PCDHA5: variants seen among roughly 807,000 people sequenced by gnomAD.
PCDHA5 encodes the protein protocadherin alpha-5.
PCDHA5 carries 43 observed loss-of-function variants against 61.6 expected under a neutral mutation model. The observed-to-expected ratio is 0.70, with a 90% CI of 0.55 to 0.90. The LOEUF is 0.90. Among genes scored for constraint, PCDHA5 ranks in the 40% least tolerant of loss-of-function variants. The pLI is 0.00. For synonymous variants in PCDHA5, 627 were observed against 543.9 expected (o/e 1.15, Z -2.13); for missense variants, 1,298 against 1,222.7 (o/e 1.06, Z -0.92).
intron 1 of PCDHA5, among the ~76,000 whole-genome samples, chr5:140,945,058 C>A (rs939271004): frequency 1.3e-5 from 2 of 151,996 alleles, no homozygotes; most frequent in Non-Finnish European, 2.9e-5. Flanking sequence ...AAAGAAAACC[C>A]TACAGACTCC....
At chr5:140,861,422 T>G in intron 1 of PCDHA5, 1 of 482,430 alleles carries the variant, frequency 2.1e-6, no homozygotes, top group Admixed American at 2.1e-5. Flanking sequence ...CGCGCCTGTT[T>G]CAGTTGGATT....
At chr5:140,963,705 C>T (rs1351751729) in intron 1 of PCDHA5, among the ~76,000 whole-genome samples, 1 of 152,130 alleles carries the variant, frequency 6.6e-6, no homozygotes, top group Non-Finnish European at 1.5e-5. Flanking sequence ...ATCTAAAGGG[C>T]CATGCTACAT....
chr5:140,832,466 T>TA (rs1319318585), intron 1 of PCDHA5, among the ~76,000 whole-genome samples: 6 of 152,186 alleles, frequency 3.9e-5, no homozygotes, highest in South Asian at 2.1e-4. Context: ...CACTAAAATT[T>TA]AAAAAAACTA....
At chr5:140,985,128 G>A (rs908196925) in intron 3 of PCDHA5, among the ~76,000 whole-genome samples, 3 of 152,056 alleles carry the variant, frequency 2.0e-5, no homozygotes, top group Admixed American at 6.6e-5. Flanking sequence ...TAGTAAAGAC[G>A]GGGTTTCACC....
rs1160932490 is a variant in PCDHA5 at position 140,857,948 on chromosome 5, C to A, written c.2352+33821C>A. 4.4e-6 allele frequency: 7 copies of A among 1,597,438 alleles called. 1 individual carries two copies. Among genetic ancestry groups the A allele is most frequent in the Non-Finnish European group, 6.0e-6 (7 of 1,167,420 alleles). On this transcript the variant is annotated intron_variant, in intron 1 of 3. Transcript: ENST00000529859. ...GTACACGGGCGAGATCAGTACGACG[C>A]GCGCTCTGGATGAGACTGACTCGCC...
intron 1 of PCDHA5, among the ~76,000 whole-genome samples, chr5:140,940,805 A>G (rs957278090): frequency 6.6e-6 from 1 of 152,202 alleles, no homozygotes. Context: ...ATTTGCCAGG[A>G]TATCCTGAGA....
intron 3 of PCDHA5, among the ~76,000 whole-genome samples, chr5:140,994,912 A>G (rs2097655532): frequency 6.6e-6 from 1 of 152,222 alleles, no homozygotes; most frequent in Admixed American, 6.5e-5. Flanking sequence ...GTAGACTGGA[A>G]TCAGATTTTG....
At position 140,877,565 on chromosome 5, in the gene PCDHA5, T is replaced by C; in HGVS notation, c.2352+53438T>C. On this transcript the variant is annotated intron_variant, in intron 1 of 3. Coordinates refer to ENST00000529859, the MANE Select transcript of PCDHA5 (RefSeq NM_018908.3). ...GAAGCGGCTCTGGTGGATATTAACG[T>C]GTACCTCATCATCGCCATCTGTGCG... 1 of 1,613,742 alleles carries C rather than the reference T, an allele frequency of 6.2e-7. No homozygotes were observed. The highest frequency in any genetic ancestry group is 1.7e-5 in the Admixed American group (1 of 60,024).
chr5:140,990,155 G>A (rs1483856647), intron 3 of PCDHA5, among the ~76,000 whole-genome samples: 2 of 152,076 alleles, frequency 1.3e-5, no homozygotes, highest in Admixed American at 6.5e-5. Context: ...ATAATAGAAA[G>A]TTAGGGTATG....
intron 1 of PCDHA5, among the ~76,000 whole-genome samples, chr5:140,898,790 AT>A (rs1193457354): frequency 2.6e-5 from 4 of 152,112 alleles, no homozygotes; most frequent in African/African-American, 7.2e-5. Flanking sequence ...CAGTATGGCC[AT>A]TTTCACGATA....
intron 1 of PCDHA5, among the ~76,000 whole-genome samples, chr5:140,917,650 T>G (rs897307157): frequency 1.5e-4 from 23 of 152,226 alleles, no homozygotes; most frequent in African/African-American, 5.5e-4. Context: ...CCAGCAATAT[T>G]GAGTAGGAAG....
intron 1 of PCDHA5, among the ~76,000 whole-genome samples, chr5:140,962,950 C>T (rs2095723700): frequency 6.6e-6 from 1 of 152,152 alleles, no homozygotes; most frequent in African/African-American, 2.4e-5. Flanking sequence ...ATAAGATATG[C>T]TCTATCCCTA....
At position 140,968,680 on chromosome 5, in the gene PCDHA5, C is replaced by T. The variant is rs546565550; in HGVS notation, c.2353-10269C>T. 10 of 1,614,154 alleles carry T rather than the reference C, an allele frequency of 6.2e-6. No homozygotes were observed. The South Asian group carries it at 6.6e-5, about 11-fold the overall frequency. ...TGGACCTCTTTAAGGTAGAGCTGCA[C>T]ACAGGAGAAATTAGGACTACCAGGA... On this transcript the variant is annotated intron_variant, in intron 1 of 3. Coordinates refer to ENST00000529859, the MANE Select transcript of PCDHA5 (RefSeq NM_018908.3).
chr5:140,928,450 G>C, intron 1 of PCDHA5: 2 of 1,614,146 alleles, frequency 1.2e-6, no homozygotes, highest in Non-Finnish European at 8.5e-7. Flanking sequence ...GCAGCTCAGG[G>C]GGTTTCATTT....
intron 1 of PCDHA5, among the ~76,000 whole-genome samples, chr5:140,909,492 C>T (rs955748526): frequency 4.6e-5 from 7 of 152,160 alleles, no homozygotes; most frequent in East Asian, 3.9e-4. Context: ...GAGAGCTGAA[C>T]GGGGATGTGG....
chr5:140,898,422 C>T (rs1554187981), intron 1 of PCDHA5, among the ~76,000 whole-genome samples: 2 of 152,278 alleles, frequency 1.3e-5, no homozygotes, highest in East Asian at 3.9e-4. Context: ...AGCCAGTTTT[C>T]CCAGCACCAT....
At chr5:140,917,206 T>G (rs1313611985) in intron 1 of PCDHA5, among the ~76,000 whole-genome samples, 1 of 152,104 alleles carries the variant, frequency 6.6e-6, no homozygotes, top group Admixed American at 6.5e-5. Context: ...CCCTCTTCAA[T>G]GCCTCTTTTA....
chr5:140,953,295 C>T (rs74485628), intron 1 of PCDHA5, among the ~76,000 whole-genome samples: 3,568 of 152,144 alleles, frequency 0.023, 49 homozygotes, highest in Middle Eastern at 0.034. Flanking sequence ...GATTCAGGGA[C>T]GGCAGAGATG....
chr5:140,885,385 T>C (rs2060578484), intron 1 of PCDHA5, among the ~76,000 whole-genome samples: 1 of 152,194 alleles, frequency 6.6e-6, no homozygotes, highest in South Asian at 2.1e-4. Flanking sequence ...TGGCAGTCCC[T>C]GCAAATCTAA....
Sources: allele counts gnomAD v4.1 joint callset (sites outside exome capture counted in the v4.1 genomes callset), GRCh38; gene constraint gnomAD v4.1.1; transcripts MANE v1.5; gene names NCBI Gene and HGNC (gene_info 2026-07-23, HGNC 2026-07-21).